Variants in CPE observed in about 807,000 individuals in gnomAD.
The protein encoded by CPE is carboxypeptidase E.
A neutral mutation model predicts 53.5 loss-of-function variants in CPE; 17 were observed. The observed-to-expected ratio is 0.32, with a 90% confidence interval of 0.22 to 0.48. CPE has a LOEUF of 0.48. CPE is among the 20% of genes least tolerant of loss of function. The pLI, the probability that CPE is intolerant of heterozygous loss-of-function variation, is 0.99. For synonymous variants in CPE, 226 were observed against 228.8 expected, an observed-to-expected ratio of 0.99 and a Z score of 0.11; for missense variants, 524 against 614.7, an observed-to-expected ratio of 0.85 and a Z score of 1.56.
intron 1 of CPE, among the ~76,000 whole-genome samples, chr4:165,444,121 A>T (rs1731661686): frequency 6.6e-6 from 1 of 152,214 alleles, no homozygotes; most frequent in Non-Finnish European, 1.5e-5. Context: ...AGGCGTCAAC[A>T]TATGAATTTT....
At chr4:165,472,780 A>G (rs72703690) in intron 3 of CPE, among the ~76,000 whole-genome samples, 22,170 of 152,190 alleles carry the variant, frequency 0.15, 1,967 homozygotes, top group East Asian at 0.24. Flanking sequence ...CCACATTTTT[A>G]TGCCTTTTTA....
At chr4:165,392,563 C>T (rs1261746752) in intron 1 of CPE, among the ~76,000 whole-genome samples, 3 of 143,224 alleles carry the variant, frequency 2.1e-5, no homozygotes, top group African/African-American at 7.6e-5. Flanking sequence ...TATAATGGAG[C>T]TTATACTTAT....
chr4:165,434,537 A>G (rs1731463476), intron 1 of CPE, among the ~76,000 whole-genome samples: 1 of 152,146 alleles, frequency 6.6e-6, no homozygotes, highest in Admixed American at 6.5e-5. Flanking sequence ...GTAATACTAA[A>G]TATTATATAC....
chr4:165,395,133 G>C (rs1730743040), intron 1 of CPE, among the ~76,000 whole-genome samples: 1 of 152,184 alleles, frequency 6.6e-6, no homozygotes. Flanking sequence ...AGCAAGCAAA[G>C]TATTCCAAAG....
chr4:165,458,171 A>G, intron 1 of CPE, among the ~76,000 whole-genome samples: 1 of 152,218 alleles, frequency 6.6e-6, no homozygotes, highest in East Asian at 1.9e-4. Context: ...GATGTTTCCA[A>G]CTTGCTTGTA....
chr4:165,402,814 A>T (rs1363329494), intron 1 of CPE, among the ~76,000 whole-genome samples: 3 of 152,232 alleles, frequency 2.0e-5, no homozygotes, highest in Admixed American at 2.0e-4. Flanking sequence ...TACACTTGCA[A>T]ATATGTCACA....
chr4:165,405,513 C>CT, intron 1 of CPE: 8 of 952,422 alleles, frequency 8.4e-6, no homozygotes, highest in Non-Finnish European at 1.4e-5. Context: ...TTTTCTTCCA[C>CT]TTTTTTGTAA....
chr4:165,464,265 T>G lies in CPE; in HGVS notation c.308-125T>G, dbSNP rs1030790565. The G allele has an allele frequency of 1.1e-5, 8 of 745,394 alleles. No individual in the cohort carries two copies. The African/African-American group carries it at 1.3e-4, about 12-fold the overall frequency. 46.2% of individuals were successfully genotyped at this position (745,394 alleles called of 1,614,324 possible). ...GTATTTTAATGTCTACGGTAGATTT[T>G]TTTTTAAGGCATCGCTGCTGGAGGA... On this transcript the variant is annotated intron_variant, in intron 1 of 8. Transcript: ENST00000402744.
chr4:165,479,024 T>A (rs1225341772), intron 3 of CPE, among the ~76,000 whole-genome samples: 2 of 152,182 alleles, frequency 1.3e-5, no homozygotes, highest in Non-Finnish European at 2.9e-5. Flanking sequence ...TTTGTCAATA[T>A]CTGCCATTGG....
At chr4:165,452,533 T>C (rs1454197279) in intron 1 of CPE, among the ~76,000 whole-genome samples, 1 of 152,230 alleles carries the variant, frequency 6.6e-6, no homozygotes, top group Non-Finnish European at 1.5e-5. Flanking sequence ...ATGTCTAGAA[T>C]AAGGTTCTTT....
chr4:165,414,710 CAT>C (rs1477272576), intron 1 of CPE, among the ~76,000 whole-genome samples: 5 of 151,274 alleles, frequency 3.3e-5, no homozygotes, highest in African/African-American at 7.3e-5. Flanking sequence ...CACACACACA[CAT>C]ACACACACAC....
chr4:165,404,557 G>T, intron 1 of CPE: 1 of 922,106 alleles, frequency 1.1e-6, no homozygotes, highest in Non-Finnish European at 1.8e-6. Context: ...CCAGATCTTT[G>T]GCCACATGTT....
At chr4:165,484,380 G>T in intron 4 of CPE, 42 bp from the exon 5 acceptor site, 1 of 1,564,364 alleles carries the variant, frequency 6.4e-7, no homozygotes, top group South Asian at 1.1e-5. Flanking sequence ...TGTGCTGCTT[G>T]GTCTGTGTCT....
chr4:165,495,601 A>C lies in CPE; in HGVS notation c.1256A>C (p.Tyr419Ser). 2 of 1,614,014 alleles carry C rather than the reference A, an allele frequency of 1.2e-6. No individual in the cohort carries two copies. The highest frequency in any genetic ancestry group is 1.7e-6 in the Non-Finnish European group (2 of 1,179,946). Residue 419 changes from tyrosine (Y) to serine (S), a missense_variant, in exon 8 of 9, where the codon TAT (tyrosine) becomes TCT (serine). Tyr to Ser is a moderately radical substitution (Grantham distance 144). Transcript: ENST00000402744. Reference protein sequence around the residue: ...DYWRLLIPGNYKLTASAPGYL... With the variant: ...DYWRLLIPGNSKLTASAPGYL... ...TGGAGATTGCTTATACCTGGAAACTATAAACTTACAGCCTCAGCTCCAGGC... is the reference window on the plus strand; with the variant it reads ...TGGAGATTGCTTATACCTGGAAACTCTAAACTTACAGCCTCAGCTCCAGGC...
intron 1 of CPE, among the ~76,000 whole-genome samples, chr4:165,451,831 G>A (rs1489908695): frequency 6.6e-6 from 1 of 152,008 alleles, no homozygotes; most frequent in Admixed American, 6.6e-5. Context: ...AAAGAAAACC[G>A]AGGCTAGGGG....
chr4:165,434,857 TC>T (rs1167442489), intron 1 of CPE, among the ~76,000 whole-genome samples: 1 of 152,142 alleles, frequency 6.6e-6, no homozygotes, highest in East Asian at 1.9e-4. Flanking sequence ...GGTGTTTATG[TC>T]ATGGGGGCAG....
intron 1 of CPE, among the ~76,000 whole-genome samples, chr4:165,429,292 T>C (rs1374299111): frequency 2.0e-5 from 3 of 152,218 alleles, no homozygotes; most frequent in Non-Finnish European, 4.4e-5. Flanking sequence ...TATGATTCTT[T>C]GGGGGCAATT....
At chr4:165,434,474 C>T (rs1731462452) in intron 1 of CPE, among the ~76,000 whole-genome samples, 1 of 152,130 alleles carries the variant, frequency 6.6e-6, no homozygotes, top group Non-Finnish European at 1.5e-5. Flanking sequence ...CATGAAACTA[C>T]CTATATCTGA....
At chr4:165,495,465 G>A (rs1732690293) in intron 7 of CPE, 94 bp from the exon 8 acceptor site, 1 of 769,742 alleles carries the variant, frequency 1.3e-6, no homozygotes, top group South Asian at 2.0e-5. Context: ...GGTGAACTGA[G>A]CTAGACTGGG....
Sources: allele counts gnomAD v4.1 joint callset (sites outside exome capture counted in the v4.1 genomes callset), GRCh38; gene constraint gnomAD v4.1.1; transcripts MANE v1.5; gene names NCBI Gene and HGNC (gene_info 2026-07-23, HGNC 2026-07-21).